Variants in ZNF169 observed in about 807,000 individuals in gnomAD.
ZNF169 encodes the protein zinc finger protein 169.
A neutral mutation model predicts 12.0 loss-of-function variants in ZNF169; 11 were observed. The observed-to-expected ratio is 0.92, with a 90% CI of 0.58 to 1.52. ZNF169 has a LOEUF of 1.52. Among genes scored for constraint, ZNF169 ranks in the 40% most tolerant of loss-of-function variants. The pLI is 0.00. For missense variants in ZNF169, 722 were observed against 744.0 expected (o/e 0.97, Z 0.34); for synonymous variants, 302 against 286.5 (o/e 1.05, Z -0.55).
At chr9:94,277,603 C>T (rs887986669) in intron 1 of ZNF169, among the ~76,000 whole-genome samples, 1 of 152,052 alleles carries the variant, frequency 6.6e-6, no homozygotes, top group African/African-American at 2.4e-5. Context: ...GGGCACGACT[C>T]CCCAGGCCCC....
Position 94,301,425 on chromosome 9 carries a change from G to A in ZNF169, c.*55G>A. On this transcript the variant is annotated 3_prime_UTR_variant, in exon 5 of 5. Coordinates refer to ENST00000395395, the MANE Select transcript of ZNF169 (RefSeq NM_194320.4). ...GCAGAAATCACTAGTAAATGCTTCA[G>A]TTTCCTGAAATGGAATGGAAAAAAA... 6.7e-7 allele frequency: 1 copy of A among 1,486,530 alleles called. No individual in the cohort carries two copies. The highest frequency in any genetic ancestry group is 8.9e-7 in the Non-Finnish European group (1 of 1,117,430). 92.1% of individuals were successfully genotyped at this position (1,486,530 alleles called of 1,614,324 possible).
At chr9:94,293,226 G>C (rs1490030403) in intron 4 of ZNF169, 157 bp downstream of exon 4, 1 of 694,668 alleles carries the variant, frequency 1.4e-6, no homozygotes, top group Non-Finnish European at 2.6e-6. Flanking sequence ...CTTCCACACT[G>C]TGTGCCTCCC....
In ZNF169 at chr9:94,300,678, T is replaced by C; in HGVS notation, c.1120T>C (p.Phe374Leu). ...GAGCTCACACACAGGGGAGAGGCCC[T>C]TCCTGTGCCTTGAGTGTGGGCGTAG... ...HQSSHTGERP[F>L]LCLECGRSFR... Residue 374 changes from phenylalanine to leucine, a missense_variant, in exon 5 of 5, where the codon TTC becomes CTC. By Grantham distance (22) the Phe-to-Leu change is conservative. Coordinates refer to ENST00000395395, the MANE Select transcript of ZNF169 (RefSeq NM_194320.4). 6.2e-7 allele frequency: 1 copy of C among 1,614,028 alleles called. No homozygotes were observed. The highest frequency in any genetic ancestry group is 8.5e-7 in the Non-Finnish European group (1 of 1,179,948).
At chr9:94,269,122 C>T (rs184295002) in intron 1 of ZNF169, among the ~76,000 whole-genome samples, 220 of 152,080 alleles carry the variant, frequency 1.4e-3, no homozygotes, top group Admixed American at 2.5e-3. Flanking sequence ...GAACCCAATA[C>T]CTCCCATTAT....
chr9:94,287,805 T>C (rs1344567357), intron 2 of ZNF169: 7 of 1,201,028 alleles, frequency 5.8e-6, no homozygotes, highest in Admixed American at 3.4e-5. Flanking sequence ...CTTTAGGGTT[T>C]GATTGTATCC....
chr9:94,278,442 A>AT (rs1269805981), intron 1 of ZNF169, among the ~76,000 whole-genome samples: 3 of 152,102 alleles, frequency 2.0e-5, no homozygotes, highest in Non-Finnish European at 4.4e-5. Context: ...GAGGCATTTT[A>AT]TTTTTTAACA....
chr9:94,275,892 C>T (rs1164878912), intron 1 of ZNF169, among the ~76,000 whole-genome samples: 1 of 151,718 alleles, frequency 6.6e-6, no homozygotes, highest in East Asian at 1.9e-4. Context: ...AGTGATTCTC[C>T]TGCCTCAGCC....
At chr9:94,280,210 G>C (rs965950142) in intron 2 of ZNF169, among the ~76,000 whole-genome samples, 5 of 152,228 alleles carry the variant, frequency 3.3e-5, no homozygotes, top group African/African-American at 4.8e-5. Context: ...ACTGAGAGCT[G>C]TGAGTCCCTT....
chr9:94,287,919 G>A (rs1225224736), intron 2 of ZNF169: 5 of 926,764 alleles, frequency 5.4e-6, no homozygotes, highest in African/African-American at 3.3e-5. Flanking sequence ...GTTTCCTGCT[G>A]TCCAGGCGAG....
Position 94,300,154 on chromosome 9 carries a change from C to G in ZNF169, c.596C>G (p.Thr199Arg). Residue 199 changes from threonine to arginine, a missense_variant, in exon 5 of 5, where the codon ACA (threonine) becomes AGA (arginine). Transcript: ENST00000395395. ...AQRMSLGGSD[T>R]MLKGADTSES... ...AGGATGAGTCTTGGGGGGTCAGACA[C>G]AATGTTGAAGGGAGCAGACACTTCA... The G allele has an allele frequency of 6.2e-7, 1 of 1,614,082 alleles. No homozygotes were observed. The highest frequency in any genetic ancestry group is 1.3e-5 in the African/African-American group (1 of 75,036).
At chr9:94,271,752 G>A (rs1176858566) in intron 1 of ZNF169, among the ~76,000 whole-genome samples, 2 of 149,884 alleles carry the variant, frequency 1.3e-5, no homozygotes, top group African/African-American at 2.5e-5. Flanking sequence ...TTAAACTAAC[G>A]TTGCATTTCT....
At chr9:94,263,579 A>G (rs1242331790) in intron 1 of ZNF169, among the ~76,000 whole-genome samples, 1 of 150,958 alleles carries the variant, frequency 6.6e-6, no homozygotes, top group Non-Finnish European at 1.5e-5. Context: ...TTTAGAGACG[A>G]TGTTTTGCTG....
intron 4 of ZNF169, among the ~76,000 whole-genome samples, chr9:94,297,640 T>A (rs1287349449): frequency 6.6e-6 from 1 of 152,336 alleles, no homozygotes; most frequent in African/African-American, 2.4e-5. Flanking sequence ...AGGAATAGTA[T>A]GGTCAAAAAT....
Position 94,287,975 on chromosome 9 carries a change from G to A in ZNF169, c.34-4366G>A, listed in dbSNP as rs892542735. 3.7e-6 allele frequency: 3 copies of A among 808,714 alleles called. No homozygotes were observed. The Admixed American group carries it at 5.1e-5, about 14-fold the overall frequency. 50.1% of individuals were successfully genotyped at this position (808,714 alleles called of 1,614,324 possible). A position where few individuals can be genotyped will look rare whatever the true frequency, so the allele number is the denominator to read the frequency against. ...TCTTGTTCACCTTCTAGTAAATGGAGCTGCCAAACTCTGTCCCATCATTCA... is the reference window on the plus strand; with the variant it reads ...TCTTGTTCACCTTCTAGTAAATGGAACTGCCAAACTCTGTCCCATCATTCA... On this transcript the variant is annotated intron_variant, in intron 2 of 4. Transcript: ENST00000395395.
Position 94,299,804 on chromosome 9 carries a change from C to G in ZNF169, c.257-11C>G. On this transcript the variant is annotated splice_polypyrimidine_tract_variant and intron_variant, in intron 4 of 4. Coordinates refer to ENST00000395395, the MANE Select transcript of ZNF169 (RefSeq NM_194320.4). Reference sequence around the variant, plus strand: ...CTGTGGTGATTCTGACCAAGACTTTCTCTCTAGCAGAGCCTAGAACAGAAT... The same window carrying G: ...CTGTGGTGATTCTGACCAAGACTTTGTCTCTAGCAGAGCCTAGAACAGAAT... 6.3e-7 allele frequency: 1 copy of G among 1,598,268 alleles called. No individual in the cohort carries two copies. The highest frequency in any genetic ancestry group is 1.3e-5 in the African/African-American group (1 of 74,282).
chr9:94,301,579 A>G lies in ZNF169; in HGVS notation c.*209A>G. The G allele has an allele frequency of 1.1e-6, 1 of 893,738 alleles. No homozygotes were observed. Among genetic ancestry groups the G allele is most frequent in the Non-Finnish European group, 1.6e-6 (1 of 631,818 alleles). 55.4% of individuals were successfully genotyped at this position (893,738 alleles called of 1,614,324 possible). ...CCAGGCTGGGTGATTTTGACAACGG[A>G]AATATATTTTCATATTTATGGAGGC... On this transcript the variant is annotated 3_prime_UTR_variant, in exon 5 of 5. Transcript: ENST00000395395.
chr9:94,289,900 G>A (rs1016922366), intron 2 of ZNF169, among the ~76,000 whole-genome samples: 1 of 152,038 alleles, frequency 6.6e-6, no homozygotes, highest in Non-Finnish European at 1.5e-5. Flanking sequence ...AAAACAAAGA[G>A]GCAAAAAGCC....
intron 2 of ZNF169, chr9:94,288,058 T>C: frequency 1.3e-6 from 1 of 784,698 alleles, no homozygotes; most frequent in African/African-American, 1.7e-5. Context: ...TTGCTCTAGG[T>C]CACTCGGGAC....
chr9:94,300,068 T>A lies in ZNF169; in HGVS notation c.510T>A (p.Gly170=), dbSNP rs1252209911. 6 of 1,613,918 alleles carry A rather than the reference T, an allele frequency of 3.7e-6. No individual in the cohort carries two copies. The highest frequency in any genetic ancestry group is 1.7e-5 in the Admixed American group (1 of 59,966). The change falls in exon 5 of 5, where the codon GGT becomes GGA. Residue 170 remains glycine (G), a synonymous_variant. Coordinates refer to ENST00000395395, the MANE Select transcript of ZNF169 (RefSeq NM_194320.4). ...ISRTFFSPHQ[G]DPVEWVEGNR... ...GGACATTCTTCAGCCCACATCAAGGTGACCCAGTAGAATGGGTAGAAGGGA... is the reference window on the plus strand; with the variant it reads ...GGACATTCTTCAGCCCACATCAAGGAGACCCAGTAGAATGGGTAGAAGGGA...
Sources: gnomAD v4.1 joint callset for allele counts (sites outside exome capture counted in the v4.1 genomes callset) on GRCh38, gnomAD v4.1.1 for gene constraint, MANE v1.5 for transcripts, NCBI Gene and HGNC (gene_info 2026-07-23, HGNC 2026-07-21) for gene names.